Variants in EGR2 observed in about 807,000 individuals in gnomAD.
EGR2 encodes the protein early growth response 2, also known as E3 SUMO-protein ligase EGR2.
EGR2 carries 2 observed loss-of-function variants against 21.2 expected under a neutral mutation model. That is an observed-to-expected ratio of 0.09 (90% CI 0.04 to 0.30). EGR2 has a LOEUF of 0.30. EGR2 is among the 10% of genes least tolerant of loss of function. The probability of loss-of-function intolerance (pLI) is 1.00; values close to 1 mark genes in which losing one functional copy is unlikely to be tolerated. For missense variants in EGR2, 458 were observed against 630.2 expected (o/e 0.73, Z 2.93); for synonymous variants, 282 against 258.2 (o/e 1.09, Z -0.88).
At chr10:62,818,311 A>G (rs1454577573), upstream of EGR2, among the ~76,000 whole-genome samples, 1 of 152,174 alleles carries the variant, frequency 6.6e-6, no homozygotes, top group East Asian at 1.9e-4. Context: ...AACAGCCGGT[A>G]TCCAGCGGCC....
At chr10:62,815,339 G>T (rs78747659) in intron 1 of EGR2, among the ~76,000 whole-genome samples, 13 of 152,242 alleles carry the variant, frequency 8.5e-5, no homozygotes, top group African/African-American at 3.1e-4. Context: ...CTTCGCGGGC[G>T]GCGGGCAGGT....
At position 62,813,943 on chromosome 10, in the gene EGR2, G is replaced by A. The variant is rs766543445; in HGVS notation, c.695C>T (p.Ser232Phe). 5 of 1,614,214 alleles carry A rather than the reference G, an allele frequency of 3.1e-6. No homozygotes were observed. In the South Asian group the frequency reaches 4.4e-5, roughly 14 times the overall value. ...MIPDYPGFFP[S>F]QCQRDLHGTA... ...ACCATGTAGGTCTCTCTGGCACTGA[G>A]ATGGAAAGAATCCAGGATAGTCTGG... Residue 232 changes from serine to phenylalanine, a missense_variant, in exon 2 of 2, where the codon TCT becomes TTT. Physicochemically the swap from Ser to Phe is radical, Grantham distance 155. Around this residue, in one of 5 missense-constraint regions of EGR2, gnomAD observed 253 missense variants for 315.5 expected, o/e 0.80. Transcript: ENST00000242480. This position sits in a 1 kb window ranked among gnomAD's most constrained non-coding sequence, Gnocchi z 5.7.
chr10:62,813,951 G>T lies in EGR2; in HGVS notation c.687C>A (p.Phe229Leu). 6.2e-7 allele frequency: 1 copy of T among 1,614,216 alleles called. No individual in the cohort carries two copies. Among genetic ancestry groups the T allele is most frequent in the African/African-American group, 1.3e-5 (1 of 75,052 alleles). Residue 229 changes from phenylalanine to leucine, a missense_variant, in exon 2 of 2, where the codon TTC becomes TTA. Transcript: ENST00000242480. This position sits in a 1 kb window ranked among gnomAD's most constrained non-coding sequence, Gnocchi z 5.7. ...GGTCTCTCTGGCACTGAGATGGAAA[G>T]AATCCAGGATAGTCTGGGATCATTG... is the stretch of plus-strand genomic sequence containing the variant. ...LFPMIPDYPG[F>L]FPSQCQRDLH...
In EGR2 at chr10:62,813,140, G is replaced by A; in HGVS notation, c.*67C>T. The A allele has an allele frequency of 6.8e-7, 1 of 1,476,144 alleles. No individual in the cohort carries two copies. Among genetic ancestry groups the A allele is most frequent in the Non-Finnish European group, 9.0e-7 (1 of 1,108,470 alleles). 91.4% of individuals were successfully genotyped at this position (1,476,144 alleles called of 1,614,324 possible). The stretch of plus-strand genomic sequence containing the variant: ...ACAGGAAAGGGTGGTAGTGTTTGTT[G>A]TGCAGCTCCAGTGGACAAAGGGCCT... On this transcript the variant is annotated 3_prime_UTR_variant, in exon 2 of 2. Transcript: ENST00000242480. This position sits in a 1 kb window ranked among gnomAD's most constrained non-coding sequence, Gnocchi z 5.7.
upstream of EGR2, among the ~76,000 whole-genome samples, chr10:62,816,787 A>G (rs1470068389): frequency 1.3e-5 from 2 of 152,150 alleles, no homozygotes; most frequent in Non-Finnish European, 2.9e-5. Flanking sequence ...TTTGGGAGCC[A>G]TTCCGGAAAA....
chr10:62,816,431 T>C, upstream of EGR2: 3 of 1,129,124 alleles, frequency 2.7e-6, no homozygotes, highest in Non-Finnish European at 3.3e-6. Flanking sequence ...TCGCTGCCCA[T>C]ATATGGACTG....
In EGR2 at chr10:62,813,155, A is replaced by C; in HGVS notation, c.*52T>G. The C allele has an allele frequency of 6.6e-7, 1 of 1,508,186 alleles. No individual in the cohort carries two copies. Among genetic ancestry groups the C allele is most frequent in the South Asian group, 1.3e-5 (1 of 75,754 alleles). 93.4% of individuals were successfully genotyped at this position (1,508,186 alleles called of 1,614,324 possible). A position where few individuals can be genotyped will look rare whatever the true frequency, so the allele number is the denominator to read the frequency against. On this transcript the variant is annotated 3_prime_UTR_variant, in exon 2 of 2. Transcript: ENST00000242480. This position sits in a 1 kb window ranked among gnomAD's most constrained non-coding sequence, Gnocchi z 5.7. ...AGTGTTTGTTGTGCAGCTCCAGTGG[A>C]CAAAGGGCCTCCGGGACCTTTGGGA...
At chr10:62,818,339 A>G (rs1191644020), upstream of EGR2, among the ~76,000 whole-genome samples, 1 of 152,226 alleles carries the variant, frequency 6.6e-6, no homozygotes. Flanking sequence ...TCTCTGACTT[A>G]AGTCACCCAG....
In EGR2 at chr10:62,814,931, G is replaced by A. The variant is rs536836950; in HGVS notation, c.170-463C>T. 2.4e-4 allele frequency among the ~76,000 whole-genome samples: 36 copies of A among 152,308 alleles called. No individual in the cohort carries two copies. Among genetic ancestry groups the A allele is most frequent in the Admixed American group, 4.6e-4 (7 of 15,308 alleles). ...TGGTGCCAAACCGAGAGGAGAGCCC[G>A]AGAAGGGGGTGGGTGATTTCCCGGC... On this transcript the variant is annotated intron_variant, in intron 1 of 1. Transcript: ENST00000242480. This position sits in a 1 kb window ranked among gnomAD's most constrained non-coding sequence, Gnocchi z 4.8.
chr10:62,817,422 G>A (rs1284694926), upstream of EGR2, among the ~76,000 whole-genome samples: 1 of 152,118 alleles, frequency 6.6e-6, no homozygotes, highest in Non-Finnish European at 1.5e-5. This position sits in a 1 kb window ranked among gnomAD's most constrained non-coding sequence, Gnocchi z 4.4. Flanking sequence ...GCGCGCCGTC[G>A]TTGCCAGCAG....
In EGR2 at chr10:62,812,326, C is replaced by A. The variant is rs1443462945; in HGVS notation, c.*881G>T. On this transcript the variant is annotated 3_prime_UTR_variant, in exon 2 of 2. Coordinates refer to ENST00000242480, the MANE Select transcript of EGR2 (RefSeq NM_000399.5). Reference sequence around the variant, plus strand: ...ACCCATTTACATGCAGACCTTGTAACATTGTCTACATCACACAAGGCACCA... The same window carrying A: ...ACCCATTTACATGCAGACCTTGTAAAATTGTCTACATCACACAAGGCACCA... 6.5e-6 allele frequency: 1 copy of A among 152,726 alleles called. No homozygotes were observed. Among genetic ancestry groups the A allele is most frequent in the East Asian group, 1.9e-4 (1 of 5,336 alleles). The allele number at this position is 152,726 out of a possible 1,614,324, so 9.5% of individuals were successfully genotyped here.
chr10:62,816,832 C>G (rs528682246), upstream of EGR2, among the ~76,000 whole-genome samples: 1 of 152,128 alleles, frequency 6.6e-6, no homozygotes, highest in South Asian at 2.1e-4. Flanking sequence ...GGAGCCGAGA[C>G]ACTACAGTCA....
chr10:62,815,787 C>G, intron 1 of EGR2, 74 bp downstream of exon 1: 1 of 1,565,158 alleles, frequency 6.4e-7, no homozygotes. Context: ...TCCTGCGATT[C>G]CCGCACACCC....
At position 62,813,032 on chromosome 10, in the gene EGR2, GT is replaced by G; in HGVS notation, c.*174del. 1.4e-6 allele frequency: 1 copy of G among 699,438 alleles called. No homozygotes were observed. The highest frequency in any genetic ancestry group is 2.3e-6 in the Non-Finnish European group (1 of 441,252). 43.3% of individuals were successfully genotyped at this position (699,438 alleles called of 1,614,324 possible). ...CCTAAGAGAGACTAGAATGGGCTAA[GT>G]TTTAGGAAGAACCTGCTTCTAGGTG... On this transcript the variant is annotated 3_prime_UTR_variant, in exon 2 of 2. Coordinates refer to ENST00000242480, the MANE Select transcript of EGR2 (RefSeq NM_000399.5). This position sits in a 1 kb window ranked among gnomAD's most constrained non-coding sequence, Gnocchi z 5.7.
chr10:62,814,836 G>A lies in EGR2; in HGVS notation c.170-368C>T, dbSNP rs985590144. Among the ~76,000 whole-genome samples the A allele has an allele frequency of 1.3e-5, 2 of 152,072 alleles. No homozygotes were observed. The highest frequency in any genetic ancestry group is 2.9e-5 in the Non-Finnish European group (2 of 67,988). ...GAGCTTTTCTCCCTCTTTTTTGCCT[G>A]GGGGTTCCACGGCTGAGGCACCAAG... is the stretch of plus-strand genomic sequence containing the variant. On this transcript the variant is annotated intron_variant, in intron 1 of 1. Transcript: ENST00000242480. This position sits in a 1 kb window ranked among gnomAD's most constrained non-coding sequence, Gnocchi z 4.8.
Position 62,813,973 on chromosome 10 carries a change from A to G in EGR2, c.665T>C (p.Met222Thr), listed in dbSNP as rs530614586. 33 of 1,614,064 alleles carry G rather than the reference A, an allele frequency of 2.0e-5. No individual in the cohort carries two copies. Among genetic ancestry groups the G allele is most frequent in the Non-Finnish European group, 2.6e-5 (31 of 1,180,030 alleles). Residue 222 changes from methionine to threonine, a missense_variant, in exon 2 of 2, where the codon ATG becomes ACG. Physicochemically the swap from Met to Thr is moderately conservative, Grantham distance 81 (BLOSUM62 -1). This residue lies in a region of EGR2 where 253 missense variants were observed against 315.5 expected (regional missense o/e 0.80). Coordinates refer to ENST00000242480, the MANE Select transcript of EGR2 (RefSeq NM_000399.5). This position sits in a 1 kb window ranked among gnomAD's most constrained non-coding sequence, Gnocchi z 5.7. ...KPATDPGLFP[M>T]IPDYPGFFPS... ...AAAGAATCCAGGATAGTCTGGGATC[A>G]TTGGGAAGAGACCTGGGTCCGTGGC...
intron 1 of EGR2, among the ~76,000 whole-genome samples, chr10:62,815,251 C>T (rs1360156608): frequency 1.3e-5 from 2 of 152,228 alleles, no homozygotes; most frequent in Non-Finnish European, 2.9e-5. Context: ...GGGGCTGCTT[C>T]CCGCCGTTGC....
At chr10:62,817,586 A>G (rs475510), upstream of EGR2, among the ~76,000 whole-genome samples, 151,168 of 152,076 alleles carry the variant, frequency 0.99, 75,136 homozygotes, top group East Asian at 1. This position sits in a 1 kb window ranked among gnomAD's most constrained non-coding sequence, Gnocchi z 4.4. Context: ...CCCGAGCCAG[A>G]ATACACGTAC....
upstream of EGR2, among the ~76,000 whole-genome samples, chr10:62,818,088 G>C (rs1394212079): frequency 6.6e-6 from 1 of 152,250 alleles, no homozygotes; most frequent in African/African-American, 2.4e-5. Context: ...CCCTAGCTTA[G>C]TGTGGGCCGG....
Sources: allele counts gnomAD v4.1 joint callset (sites outside exome capture counted in the v4.1 genomes callset), GRCh38; gene constraint gnomAD v4.1.1; regional missense constraint gnomAD v4.1.1; non-coding constraint Gnocchi (gnomAD v3.1); transcripts MANE v1.5; gene names NCBI Gene and HGNC (gene_info 2026-07-23, HGNC 2026-07-21).